The following KIF26B variants were observed in gnomAD, a reference collection of about 807,000 sequenced individuals.
KIF26B encodes the protein kinesin family member 26B, also known as kinesin-like protein KIF26B.
A neutral mutation model predicts 151.2 loss-of-function variants in KIF26B; 63 were observed. That is an observed-to-expected ratio of 0.42 (90% confidence interval 0.34 to 0.51). KIF26B has a LOEUF of 0.51. Among genes scored for constraint, KIF26B ranks in the 20% least tolerant of loss-of-function variants. The probability of loss-of-function intolerance (pLI) is 0.07; values close to 1 mark genes in which losing one functional copy is unlikely to be tolerated. For missense variants in KIF26B, 2,813 were observed against 2,913.6 expected, an observed-to-expected ratio of 0.97 and a Z score of 0.79; for synonymous variants, 1,357 against 1,262.1, an observed-to-expected ratio of 1.08 and a Z score of -1.59.
rs746976796 is a variant in KIF26B at position 245,688,158 on chromosome 1, C to T, written c.5175C>T (p.Pro1725=). 4 of 1,596,594 alleles carry T rather than the reference C, an allele frequency of 2.5e-6. No individual in the cohort carries two copies. Among genetic ancestry groups the T allele is most frequent in the African/African-American group, 2.7e-5 (2 of 74,842 alleles). The part of the protein sequence containing the change: ...GTSPPSSGAS[P]KAGQSKISAV... ...CGCCCCCCAGCTCCGGGGCCTCGCCCAAGGCCGGCCAGTCCAAGATCTCCG... is the reference window on the plus strand; with the variant it reads ...CGCCCCCCAGCTCCGGGGCCTCGCCTAAGGCCGGCCAGTCCAAGATCTCCG... The change falls in exon 12 of 15, where the codon CCC becomes CCT. Residue 1725 remains proline (P), a synonymous_variant. Transcript: ENST00000407071.
At chr1:245,592,948 C>T (rs1424924309) in intron 5 of KIF26B, among the ~76,000 whole-genome samples, 5 of 152,086 alleles carry the variant, frequency 3.3e-5, no homozygotes, top group Admixed American at 6.5e-5. Context: ...GGGATCACAG[C>T]CTCCTTAGTT....
At chr1:245,643,939 G>GT (rs1455579138) in intron 9 of KIF26B, among the ~76,000 whole-genome samples, 23 of 151,880 alleles carry the variant, frequency 1.5e-4, no homozygotes, top group Non-Finnish European at 2.9e-4. Context: ...TATATCACTG[G>GT]TTTTGGGCGG....
intron 2 of KIF26B, among the ~76,000 whole-genome samples, chr1:245,320,648 G>T (rs1440689634): frequency 1.3e-5 from 2 of 151,908 alleles, no homozygotes; most frequent in East Asian, 1.9e-4. Context: ...AATCTAACTG[G>T]TTTTTTTTGT....
intron 10 of KIF26B, among the ~76,000 whole-genome samples, chr1:245,660,342 G>T (rs865911454): frequency 6.0e-4 from 11 of 18,272 alleles, no homozygotes; most frequent in South Asian, 3.2e-3. Context: ...GCTATTTTTT[G>T]GGGGGGCGGG....
At chr1:245,518,927 C>G (rs1364352526) in intron 4 of KIF26B, among the ~76,000 whole-genome samples, 1 of 152,146 alleles carries the variant, frequency 6.6e-6, no homozygotes, top group African/African-American at 2.4e-5. Flanking sequence ...TCCCGGATCC[C>G]TTTGTGCATG....
intron 2 of KIF26B, among the ~76,000 whole-genome samples, chr1:245,234,699 C>T (rs151054970): frequency 3.2e-3 from 481 of 152,224 alleles, no homozygotes; most frequent in African/African-American, 0.011. Flanking sequence ...AGAAGAAAAG[C>T]GAGGAGAAGG....
chr1:245,237,311 C>A (rs1361686815), intron 2 of KIF26B, among the ~76,000 whole-genome samples: 1 of 152,218 alleles, frequency 6.6e-6, no homozygotes, highest in Non-Finnish European at 1.5e-5. Flanking sequence ...CCTCCCTTCT[C>A]TCTGGACATA....
chr1:245,314,007 G>C (rs953887326), intron 2 of KIF26B, among the ~76,000 whole-genome samples: 2 of 152,120 alleles, frequency 1.3e-5, no homozygotes, highest in Admixed American at 1.3e-4. Flanking sequence ...CGCACCTGCT[G>C]TTCCCTCCGC....
intron 14 of KIF26B, among the ~76,000 whole-genome samples, chr1:245,700,060 C>T (rs2044749145): frequency 6.6e-6 from 1 of 152,148 alleles, no homozygotes; most frequent in African/African-American, 2.4e-5. Context: ...ACAACATTTC[C>T]CTAAGTACTC....
At chr1:245,346,986 C>T (rs1572015675) in intron 2 of KIF26B, among the ~76,000 whole-genome samples, 1 of 152,164 alleles carries the variant, frequency 6.6e-6, no homozygotes, top group African/African-American at 2.4e-5. Flanking sequence ...TTACCCATCT[C>T]TCTCTTCATC....
chr1:245,413,745 T>C (rs1674348647), intron 3 of KIF26B, among the ~76,000 whole-genome samples: 1 of 152,170 alleles, frequency 6.6e-6, no homozygotes, highest in African/African-American at 2.4e-5. Context: ...GAACATCTTC[T>C]AATAGTGGAC....
At position 245,360,379 on chromosome 1, in the gene KIF26B, A is replaced by G. The variant is rs537833225; in HGVS notation, c.466-6455A>G. ...ATTTATACAAGTTACTGTATTAGAT[A>G]CTGAGACTAGTTACATTGATAATAA... On this transcript the variant is annotated intron_variant, in intron 2 of 14. Transcript: ENST00000407071. Among the ~76,000 whole-genome samples, 15 of 152,356 alleles carry G rather than the reference A, an allele frequency of 9.8e-5. No homozygotes were observed. The East Asian group carries it at 2.3e-3, about 23-fold the overall frequency.
At chr1:245,586,147 C>T (rs968830499) in intron 5 of KIF26B, among the ~76,000 whole-genome samples, 93 of 149,668 alleles carry the variant, frequency 6.2e-4, no homozygotes, top group Non-Finnish European at 1.1e-3. Context: ...TAGGCACACA[C>T]CACCATGACC....
rs140081313 is a variant in KIF26B, at chr1:245,482,217, T to C, written c.1167-58550T>C. ...AGCCATTCTCCTGCCTCAGCCTTCC[T>C]AGTAGCTGGGACTGCAGGTGCGCAC... On this transcript the variant is annotated intron_variant, in intron 4 of 14. Transcript: ENST00000407071. 1.1e-3 allele frequency among the ~76,000 whole-genome samples: 172 copies of C among 151,858 alleles called. 4 individuals are homozygous for C. Among genetic ancestry groups the C allele is most frequent in the African/African-American group, 4.0e-3 (167 of 41,490 alleles).
Position 245,702,396 on chromosome 1 carries a change from G to T in KIF26B, c.6179-62G>T. 2 of 1,592,610 alleles carry T rather than the reference G, an allele frequency of 1.3e-6. No homozygotes were observed. Among genetic ancestry groups the T allele is most frequent in the South Asian group, 1.1e-5 (1 of 88,980 alleles). ...GGGGGTGGCAGCTCCAGGCTGAGCC[G>T]TCGGGAGTTGCTTCTCACCCTGTTT... On this transcript the variant is annotated intron_variant, in intron 14 of 14. Transcript: ENST00000407071. The surrounding 1 kb of genome is among the most constrained non-coding windows in gnomAD (Gnocchi z 4.1).
At chr1:245,229,909 C>A (rs544788175) in intron 2 of KIF26B, among the ~76,000 whole-genome samples, 1 of 151,748 alleles carries the variant, frequency 6.6e-6, no homozygotes, top group Non-Finnish European at 1.5e-5. Context: ...CCGAGGTGGG[C>A]GGATCACAAA....
At chr1:245,466,690 C>T (rs1659798956) in intron 4 of KIF26B, among the ~76,000 whole-genome samples, 1 of 152,164 alleles carries the variant, frequency 6.6e-6, no homozygotes, top group South Asian at 2.1e-4. Flanking sequence ...CTTTAGGAGG[C>T]CAAAGCAGGT....
intron 12 of KIF26B, among the ~76,000 whole-genome samples, chr1:245,696,007 G>C (rs1196848459): frequency 6.6e-6 from 1 of 152,194 alleles, no homozygotes; most frequent in African/African-American, 2.4e-5. Flanking sequence ...GGAGATGGAG[G>C]GTGGCTCTTA....
intron 2 of KIF26B, among the ~76,000 whole-genome samples, chr1:245,212,556 A>C (rs1459489253): frequency 6.6e-6 from 1 of 152,196 alleles, no homozygotes; most frequent in Non-Finnish European, 1.5e-5. Context: ...CCCCAATCCT[A>C]CGGGTGAATG....
Sources: allele counts gnomAD v4.1 joint callset (sites outside exome capture counted in the v4.1 genomes callset), GRCh38; gene constraint gnomAD v4.1.1; non-coding constraint Gnocchi (gnomAD v3.1); transcripts MANE v1.5; gene names NCBI Gene and HGNC (gene_info 2026-07-23, HGNC 2026-07-21).